MEF2C: variants seen among roughly 807,000 people sequenced by gnomAD.
MEF2C encodes myocyte-specific enhancer factor 2C.
MEF2C carries 6 observed loss-of-function variants against 50.5 expected under a neutral mutation model. The observed-to-expected ratio is 0.12, with a 90% CI of 0.07 to 0.23. The LOEUF is 0.23. MEF2C is among the 10% of genes least tolerant of loss of function. The pLI, the probability that MEF2C is intolerant of heterozygous loss-of-function variation, is 1.00. For synonymous variants in MEF2C, 183 were observed against 228.0 expected, an observed-to-expected ratio of 0.80 and a Z score of 1.78; for missense variants, 276 against 605.0, an observed-to-expected ratio of 0.46 and a Z score of 5.70.
chr5:88,850,064 C>G (rs1820747404), intron 1 of MEF2C, among the ~76,000 whole-genome samples: 1 of 151,586 alleles, frequency 6.6e-6, no homozygotes, highest in Non-Finnish European at 1.5e-5. Flanking sequence ...TTAGGTATAT[C>G]TCCTAAGGCT....
chr5:88,778,274 TG>T (rs766180865), intron 3 of MEF2C, among the ~76,000 whole-genome samples: 121 of 152,314 alleles, frequency 7.9e-4, no homozygotes, highest in Non-Finnish European at 1.3e-3. Context: ...ATATACAGAC[TG>T]TACCTATCTG....
At chr5:88,740,876 G>A in intron 6 of MEF2C, 3 of 984,812 alleles carry the variant, frequency 3.0e-6, no homozygotes, top group Non-Finnish European at 3.6e-6. Context: ...AAAATGAGGG[G>A]GTGTCTTCAT....
At chr5:88,855,132 G>A (rs1822829116) in intron 1 of MEF2C, among the ~76,000 whole-genome samples, 1 of 152,088 alleles carries the variant, frequency 6.6e-6, no homozygotes, top group South Asian at 2.1e-4. Context: ...AAGAAGCTTT[G>A]GAACTTTTCC....
At chr5:88,854,000 G>A (rs1328893605) in intron 1 of MEF2C, among the ~76,000 whole-genome samples, 1 of 152,014 alleles carries the variant, frequency 6.6e-6, no homozygotes, top group Non-Finnish European at 1.5e-5. Context: ...TTTTACATGG[G>A]GGCAAAATCT....
upstream of MEF2C, among the ~76,000 whole-genome samples, chr5:88,886,757 CA>C (rs1834084432): frequency 6.6e-6 from 1 of 152,052 alleles, no homozygotes; most frequent in Non-Finnish European, 1.5e-5. Context: ...GTTTTTCCCT[CA>C]AAAGAATTAT....
At chr5:88,729,465 T>C in intron 8 of MEF2C, 118 bp from the exon 9 acceptor site, 2 of 938,024 alleles carry the variant, frequency 2.1e-6, no homozygotes, top group Non-Finnish European at 3.2e-6. Context: ...ATGAAATTAA[T>C]CATTTAACAT....
intron 4 of MEF2C, among the ~76,000 whole-genome samples, chr5:88,752,390 G>T (rs927390339): frequency 6.6e-6 from 1 of 152,218 alleles, no homozygotes; most frequent in African/African-American, 2.4e-5. Context: ...AAAGGTGCCT[G>T]ATTGTGATGA....
intron 10 of MEF2C, among the ~76,000 whole-genome samples, chr5:88,725,083 T>G (rs1261823570): frequency 3.9e-5 from 6 of 152,098 alleles, no homozygotes; most frequent in African/African-American, 1.4e-4. Flanking sequence ...ATAACCAAAA[T>G]TCTGTTTCTT....
chr5:88,807,931 T>C (rs1464530786), intron 2 of MEF2C, among the ~76,000 whole-genome samples: 1 of 152,244 alleles, frequency 6.6e-6, no homozygotes, highest in Non-Finnish European at 1.5e-5. Context: ...TTCTTTCTTG[T>C]AATTGTCAGT....
At chr5:88,809,135 T>C (rs1174954024) in intron 2 of MEF2C, among the ~76,000 whole-genome samples, 1 of 152,146 alleles carries the variant, frequency 6.6e-6, no homozygotes, top group Non-Finnish European at 1.5e-5. Context: ...GTGATGATGG[T>C]ATGTTAAGTT....
intron 5 of MEF2C, 180 bp from the exon 6 acceptor site, chr5:88,749,297 A>T (rs1052872756): frequency 1.0e-6 from 1 of 964,964 alleles, no homozygotes; most frequent in Non-Finnish European, 1.2e-6. Context: ...AACGTTAAAA[A>T]TACATTCAAT....
chr5:88,797,549 C>T (rs1054433253), intron 3 of MEF2C, among the ~76,000 whole-genome samples: 20 of 144,170 alleles, frequency 1.4e-4, no homozygotes, highest in South Asian at 6.6e-4. Context: ...TCTTTGTACG[C>T]GACATGGGTC....
At chr5:88,869,371 C>T (rs2149822548) in intron 1 of MEF2C, among the ~76,000 whole-genome samples, 2 of 140,760 alleles carry the variant, frequency 1.4e-5, no homozygotes, top group East Asian at 4.0e-4. Flanking sequence ...TCTTAATCTG[C>T]ATTTTTAGTG....
At chr5:88,740,236 G>A (rs1399261060) in intron 6 of MEF2C, 7 of 507,410 alleles carry the variant, frequency 1.4e-5, no homozygotes, top group Admixed American at 1.3e-4. Flanking sequence ...GATTTTGCGT[G>A]TGTGTGTGTG....
rs797045703 is a variant in MEF2C, at chr5:88,728,572, C to T, written c.1021G>A (p.Ala341Thr). 7 of 1,532,700 alleles carry T rather than the reference C, an allele frequency of 4.6e-6. No individual in the cohort carries two copies. The highest frequency in any genetic ancestry group is 1.4e-5 in the African/African-American group (1 of 72,624). 94.9% of individuals were successfully genotyped at this position (1,532,700 alleles called of 1,614,324 possible). A position where few individuals can be genotyped will look rare whatever the true frequency, so the allele number is the denominator to read the frequency against. The change falls in exon 10 of 11, where the codon GCT becomes ACT. Residue 341 changes from alanine to threonine, a missense_variant. Physicochemically the swap from Ala to Thr is moderately conservative, Grantham distance 58. Coordinates refer to ENST00000504921, the MANE Select transcript of MEF2C (RefSeq NM_002397.5). ...SSLSGFNTASALHLGSVTGWQ... is the reference protein window; with the variant it reads ...SSLSGFNTASTLHLGSVTGWQ... ...CCAGTTACTGAACCAAGGTGAAGAGCGCTGGCGGTGTTAAACCCAGACAGA... is the reference window on the plus strand; with the variant it reads ...CCAGTTACTGAACCAAGGTGAAGAGTGCTGGCGGTGTTAAACCCAGACAGA...
intron 1 of MEF2C, among the ~76,000 whole-genome samples, chr5:88,859,227 A>G (rs13156699): frequency 2.6e-5 from 4 of 152,208 alleles, no homozygotes; most frequent in South Asian, 2.1e-4. Flanking sequence ...ATTTTCCAAC[A>G]TAACTTTAAA....
At chr5:88,816,914 T>A (rs1805707006) in intron 2 of MEF2C, among the ~76,000 whole-genome samples, 1 of 151,966 alleles carries the variant, frequency 6.6e-6, no homozygotes, top group Non-Finnish European at 1.5e-5. Context: ...TTTCACTGAT[T>A]GAGCTTTTTT....
Position 88,890,274 on chromosome 5 carries a change from C to T in MEF2C, c.-239-2676G>A, listed in dbSNP as rs376427186. On this transcript the variant is annotated intron_variant, in intron 1 of 11. Coordinates refer to the MEF2C transcript ENST00000340208. ...GACAAAACAGAAAACTTCCTTTCCC[C>T]TTGTACCCCCTTTATTTGTTAACAC... Among the ~76,000 whole-genome samples the T allele has an allele frequency of 2.2e-4, 34 of 152,288 alleles. 1 individual carries two copies. The East Asian group carries it at 4.2e-3, about 19-fold the overall frequency.
At chr5:88,891,211 G>A (rs1405451029) in intron 1 of MEF2C, among the ~76,000 whole-genome samples, 1 of 152,076 alleles carries the variant, frequency 6.6e-6, no homozygotes, top group Non-Finnish European at 1.5e-5. Flanking sequence ...AAATTCTGAG[G>A]AAATGGGATT....
Sources: gnomAD v4.1 joint callset for allele counts (sites outside exome capture counted in the v4.1 genomes callset) on GRCh38, gnomAD v4.1.1 for gene constraint, MANE v1.5 for transcripts, NCBI Gene and HGNC (gene_info 2026-07-23, HGNC 2026-07-21) for gene names.